Variants in NLRP8 observed in about 807,000 individuals in gnomAD.
NLRP8 encodes the protein NACHT, LRR and PYD domains-containing protein 8.
A neutral mutation model predicts 88.7 loss-of-function variants in NLRP8; 86 were observed. That is an observed-to-expected ratio of 0.97 (90% CI 0.81 to 1.16). NLRP8 has a LOEUF of 1.16. NLRP8 is among the 50% of genes most tolerant of loss of function. NLRP8 has a pLI of 0.00. For missense variants in NLRP8, 1,342 were observed against 1,286.5 expected (o/e 1.04, Z -0.66); for synonymous variants, 504 against 494.6 (o/e 1.02, Z -0.25).
At position 55,966,165 on chromosome 19, in the gene NLRP8, C is replaced by T. The variant is rs546424569; in HGVS notation, c.2214-48C>T. 127 of 1,572,538 alleles carry T rather than the reference C, an allele frequency of 8.1e-5. 1 individual carries two copies. In the South Asian group the frequency reaches 1.3e-3, roughly 16 times the overall value. On this transcript the variant is annotated intron_variant, in intron 4 of 9. Transcript: ENST00000291971. ...TCGTTTGTGAGGCCACAGAATTCTA[C>T]GACTGTGGACGGGACCCTATTCCAA...
At chr19:55,970,953 C>T (rs1251088739) in intron 6 of NLRP8, among the ~76,000 whole-genome samples, 1 of 152,176 alleles carries the variant, frequency 6.6e-6, no homozygotes, top group Non-Finnish European at 1.5e-5. Flanking sequence ...ATGTATCCAT[C>T]ATCCCGTTTA....
intron 6 of NLRP8, among the ~76,000 whole-genome samples, chr19:55,972,932 T>G (rs58141992): frequency 1.3e-5 from 2 of 152,128 alleles, no homozygotes; most frequent in Non-Finnish European, 2.9e-5. Context: ...CATGTGTGTG[T>G]AAGTATCTTT....
chr19:55,963,818 A>G (rs1281428352), intron 4 of NLRP8, among the ~76,000 whole-genome samples: 1 of 152,008 alleles, frequency 6.6e-6, no homozygotes, highest in Non-Finnish European at 1.5e-5. Flanking sequence ...GCCTCCCAAA[A>G]TGCTGGGATT....
chr19:55,967,117 A>C (rs1979879031), intron 5 of NLRP8, among the ~76,000 whole-genome samples: 3 of 152,214 alleles, frequency 2.0e-5, no homozygotes, highest in African/African-American at 7.2e-5. Context: ...ACAATTTATT[A>C]TTAACTATAG....
intron 1 of NLRP8, among the ~76,000 whole-genome samples, chr19:55,948,762 T>G (rs1057171263): frequency 4.6e-5 from 7 of 152,140 alleles, no homozygotes; most frequent in African/African-American, 1.4e-4. Flanking sequence ...TTTTAAAAAC[T>G]TAACTGAATA....
At chr19:55,983,237 G>A (rs1234150092) in intron 9 of NLRP8, among the ~76,000 whole-genome samples, 3 of 152,084 alleles carry the variant, frequency 2.0e-5, no homozygotes, top group African/African-American at 7.2e-5. Flanking sequence ...GCTGAGGCAG[G>A]TGGATCATCT....
chr19:55,987,133 C>G (rs553241684), intron 9 of NLRP8, among the ~76,000 whole-genome samples: 1 of 152,194 alleles, frequency 6.6e-6, no homozygotes, highest in Non-Finnish European at 1.5e-5. Flanking sequence ...CTTTGGGAGG[C>G]CGAGGCAGGT....
At chr19:55,957,501 C>T (rs1246301871) in intron 3 of NLRP8, among the ~76,000 whole-genome samples, 7 of 151,566 alleles carry the variant, frequency 4.6e-5, no homozygotes, top group Admixed American at 2.0e-4. Context: ...TGCTGGCCAA[C>T]ATGGTAAAAC....
intron 7 of NLRP8, among the ~76,000 whole-genome samples, chr19:55,975,654 T>C (rs971528340): frequency 5.3e-5 from 8 of 152,134 alleles, no homozygotes; most frequent in South Asian, 2.1e-4. Flanking sequence ...CAAAATATTA[T>C]GGTAGATAAA....
In NLRP8 at chr19:55,957,666, AT is replaced by A. The variant is rs1289263155; in HGVS notation, c.2042+1567del. 3.9e-3 allele frequency among the ~76,000 whole-genome samples: 334 copies of A among 84,866 alleles called. 14 individuals carry two copies. The highest frequency in any genetic ancestry group is 0.021 in the African/African-American group (306 of 14,600). 55.7% of individuals were successfully genotyped at this position (84,866 alleles called of 152,430 possible). A position where few individuals can be genotyped will look rare whatever the true frequency, so the allele number is the denominator to read the frequency against. On this transcript the variant is annotated intron_variant, in intron 3 of 9. Transcript: ENST00000291971. ...GCGCCACTATCTTAAAAAAGAAAAA[AT>A]AATAATTATATATATATATATATAT...
At position 55,948,189 on chromosome 19, in the gene NLRP8, G is replaced by T; in HGVS notation, c.287G>T (p.Arg96Leu). The change falls in exon 1 of 10, where the codon CGC becomes CTC. Residue 96 changes from arginine (R) to leucine (L), a missense_variant. Arg to Leu is a moderately radical substitution (Grantham distance 102). Coordinates refer to ENST00000291971, the MANE Select transcript of NLRP8 (RefSeq NM_176811.2). ...TTGATAGAGCGTTTCCCTGGACGAC[G>T]CGCTTGGGATGTGACTTCGAACATC... 2 of 1,614,164 alleles carry T rather than the reference G, an allele frequency of 1.2e-6. No individual in the cohort carries two copies. Among genetic ancestry groups the T allele is most frequent in the Non-Finnish European group, 1.7e-6 (2 of 1,180,022 alleles).
chr19:55,951,649 A>G (rs1364116275), intron 1 of NLRP8, among the ~76,000 whole-genome samples: 2 of 152,252 alleles, frequency 1.3e-5, no homozygotes, highest in African/African-American at 2.4e-5. Context: ...TAGTATTTGC[A>G]TAGAACCCAT....
chr19:55,950,849 G>A (rs1426290600), intron 1 of NLRP8, among the ~76,000 whole-genome samples: 2 of 152,252 alleles, frequency 1.3e-5, no homozygotes, highest in Non-Finnish European at 2.9e-5. Flanking sequence ...GGAGGCCGAG[G>A]CGGGAGGATC....
chr19:55,955,586 T>G lies in NLRP8; in HGVS notation c.1528T>G (p.Phe510Val), dbSNP rs750023196. The G allele has an allele frequency of 3.1e-6, 5 of 1,614,176 alleles. No individual in the cohort carries two copies. Among genetic ancestry groups the G allele is most frequent in the Non-Finnish European group, 4.2e-6 (5 of 1,180,022 alleles). ...CCACTATGTCTTTACCCTCGTGACT[T>G]TTCAGGAATTTTTTGCGGCCTTGTT... The change falls in exon 3 of 10, where the codon TTT becomes GTT. Residue 510 changes from phenylalanine to valine, a missense_variant. Phe to Val is a conservative substitution (Grantham distance 50). Transcript: ENST00000291971.
chr19:55,982,447 T>G (rs1980614623), intron 9 of NLRP8, among the ~76,000 whole-genome samples: 1 of 152,226 alleles, frequency 6.6e-6, no homozygotes. Context: ...AATGGAGTAC[T>G]ATTCAGCCAT....
Position 55,966,278 on chromosome 19 carries a change from A to T in NLRP8, c.2279A>T (p.His760Leu). The T allele has an allele frequency of 6.2e-7, 1 of 1,614,150 alleles. No individual in the cohort carries two copies. The highest frequency in any genetic ancestry group is 8.5e-7 in the Non-Finnish European group (1 of 1,179,996). ...ATCGGTGTTTTGACGGGGAACCAGC[A>T]TCTGAGATACTTGGAAATACAACAT... Residue 760 changes from histidine (H) to leucine (L), a missense_variant, in exon 5 of 10, where the codon CAT becomes CTT. Physicochemically the swap from His to Leu is moderately conservative, Grantham distance 99. Coordinates refer to ENST00000291971, the MANE Select transcript of NLRP8 (RefSeq NM_176811.2).
chr19:55,988,540 C>T lies in NLRP8; in HGVS notation c.*627C>T, dbSNP rs772790390. 6.7e-6 allele frequency: 1 copy of T among 149,088 alleles called. No homozygotes were observed. The highest frequency in any genetic ancestry group is 1.5e-5 in the Non-Finnish European group (1 of 67,696). 9.2% of individuals were successfully genotyped at this position (149,088 alleles called of 1,614,324 possible). A position where few individuals can be genotyped will look rare whatever the true frequency, so the allele number is the denominator to read the frequency against. On this transcript the variant is annotated 3_prime_UTR_variant, in exon 10 of 10. Transcript: ENST00000291971. ...ATATAGACAAAGTCTTCATCGTCTT[C>T]TTGCTTCTTCTACCTTTATTTATTC... is the stretch of plus-strand genomic sequence containing the variant.
chr19:55,979,650 G>T, intron 9 of NLRP8, 86 bp downstream of exon 9: 1 of 1,430,588 alleles, frequency 7.0e-7, no homozygotes, highest in Admixed American at 1.8e-5. Flanking sequence ...TGGGTGTAGT[G>T]GTGCATGCCT....
chr19:55,982,493 T>C (rs1301299041), intron 9 of NLRP8, among the ~76,000 whole-genome samples: 1 of 152,196 alleles, frequency 6.6e-6, no homozygotes, highest in East Asian at 1.9e-4. Context: ...AATGGTATCA[T>C]AGAAACAGCA....
Sources: allele counts gnomAD v4.1 joint callset (sites outside exome capture counted in the v4.1 genomes callset), GRCh38; gene constraint gnomAD v4.1.1; transcripts MANE v1.5; gene names NCBI Gene and HGNC (gene_info 2026-07-23, HGNC 2026-07-21).